LRRC41: variants seen among roughly 807,000 people sequenced by gnomAD.
The protein encoded by LRRC41 is leucine-rich repeat-containing protein 41.
LRRC41 carries 17 observed loss-of-function variants against 72.1 expected under a neutral mutation model. The ratio of observed to expected loss-of-function variants is 0.24; its 90% confidence interval spans 0.16 to 0.35. The LOEUF (loss-of-function observed/expected upper bound fraction) is 0.35. Among genes scored for constraint, LRRC41 ranks in the 10% least tolerant of loss-of-function variants. The probability of loss-of-function intolerance (pLI) is 1.00; values close to 1 mark genes in which losing one functional copy is unlikely to be tolerated. For synonymous variants in LRRC41, 427 were observed against 431.0 expected, an observed-to-expected ratio of 0.99 and a Z score of 0.11; for missense variants, 759 against 1,065.0, an observed-to-expected ratio of 0.71 and a Z score of 4.00.
rs1046707613 is a variant in LRRC41 at position 46,302,100 on chromosome 1, C to A, written c.199+1024G>T. On this transcript the variant is annotated intron_variant, in intron 1 of 9. Transcript: ENST00000617190. This position sits in a 1 kb window ranked among gnomAD's most constrained non-coding sequence, Gnocchi z 4.7. ...CAGCCCAACTGGCCGGTTCGCCCTC[C>A]CCGGCCGTTCATCCCGGCGCCCCAG... The A allele has an allele frequency of 8.1e-6, 8 of 985,252 alleles. No homozygotes were observed. In the African/African-American group the frequency reaches 1.4e-4, roughly 17 times the overall value. 61.0% of individuals were successfully genotyped at this position (985,252 alleles called of 1,614,324 possible).
chr1:46,302,037 G>C lies in LRRC41; in HGVS notation c.199+1087C>G. On this transcript the variant is annotated intron_variant, in intron 1 of 9. Transcript: ENST00000617190. The surrounding 1 kb of genome is among the most constrained non-coding windows in gnomAD (Gnocchi z 4.7). ...CCAAGTTTCCCTCGTCAGCGGCCAGGCCGCGGCCAGCGGTCCCCAACCCAC... is the reference window on the plus strand; with the variant it reads ...CCAAGTTTCCCTCGTCAGCGGCCAGCCCGCGGCCAGCGGTCCCCAACCCAC... The C allele has an allele frequency of 1.0e-6, 1 of 985,334 alleles. No individual in the cohort carries two copies. Among genetic ancestry groups the C allele is most frequent in the Non-Finnish European group, 1.2e-6 (1 of 829,872 alleles). The allele number at this position is 985,334 out of a possible 1,614,324, so 61.0% of individuals were successfully genotyped here. A position where few individuals can be genotyped will look rare whatever the true frequency, so the allele number is the denominator to read the frequency against.
rs1660658627 is a variant in LRRC41 at position 46,277,829 on chromosome 1, G to A, written c.*1036C>T. ...TCCTCTTCCCCAGGCAGGGACCATT[G>A]AGGAGAAGATCTTCCAGCGTCAGAG... is the stretch of plus-strand genomic sequence containing the variant. On this transcript the variant is annotated 3_prime_UTR_variant, in exon 10 of 10. Transcript: ENST00000617190. 1 of 1,609,164 alleles carries A rather than the reference G, an allele frequency of 6.2e-7. No individual in the cohort carries two copies. Among genetic ancestry groups the A allele is most frequent in the Non-Finnish European group, 8.5e-7 (1 of 1,175,878 alleles).
At chr1:46,296,181 G>A (rs1317641394) in intron 3 of LRRC41, among the ~76,000 whole-genome samples, 2 of 152,164 alleles carry the variant, frequency 1.3e-5, no homozygotes, top group Non-Finnish European at 1.5e-5. Flanking sequence ...TTTGGAGGCC[G>A]AGGTGGGTGG....
chr1:46,285,676 G>A lies in LRRC41; in HGVS notation c.1181C>T (p.Ala394Val), dbSNP rs1660869478. The change falls in exon 4 of 10, where the codon GCT (alanine) becomes GTT (valine). Residue 394 changes from alanine to valine, a missense_variant. Transcript: ENST00000617190. The surrounding 1 kb of genome is among the most constrained non-coding windows in gnomAD (Gnocchi z 5.3). Reference protein sequence around the residue: ...QPKPLKRFKRAAGKKGARTRQ... With the variant: ...QPKPLKRFKRVAGKKGARTRQ... ...GGTGCGAGCACCCTTCTTCCCTGCA[G>A]CTCGCTTGAAACGCTTTAGGGGCTT... The A allele has an allele frequency of 6.2e-7, 1 of 1,614,154 alleles. No individual in the cohort carries two copies. The highest frequency in any genetic ancestry group is 8.5e-7 in the Non-Finnish European group (1 of 1,180,016).
intron 3 of LRRC41, among the ~76,000 whole-genome samples, chr1:46,295,231 T>C (rs1168703913): frequency 6.6e-6 from 1 of 151,988 alleles, no homozygotes; most frequent in Non-Finnish European, 1.5e-5. Flanking sequence ...AGCCAGTTCT[T>C]TGTATTTTTA....
In LRRC41 at chr1:46,303,456, C is replaced by G; in HGVS notation, c.-134G>C. 6 of 912,768 alleles carry G rather than the reference C, an allele frequency of 6.6e-6. No homozygotes were observed. Among genetic ancestry groups the G allele is most frequent in the Non-Finnish European group, 8.0e-6 (5 of 626,668 alleles). 56.5% of individuals were successfully genotyped at this position (912,768 alleles called of 1,614,324 possible). A position where few individuals can be genotyped will look rare whatever the true frequency, so the allele number is the denominator to read the frequency against. ...TAAAGAAATTTCGAAGAAATTAGCA[C>G]ACTTTCCAAGTCTCTTAGGAGCTAC... On this transcript the variant is annotated 5_prime_UTR_variant, in exon 1 of 10. Coordinates refer to ENST00000617190, the MANE Select transcript of LRRC41 (RefSeq NM_006369.5).
chr1:46,293,329 CCT>C (rs766873336), intron 3 of LRRC41, among the ~76,000 whole-genome samples: 13 of 151,850 alleles, frequency 8.6e-5, no homozygotes, highest in Non-Finnish European at 1.8e-4. Flanking sequence ...AGCCTTGACC[CCT>C]GACGCTCAAT....
chr1:46,303,522 G>A lies in LRRC41; in HGVS notation c.-200C>T, dbSNP rs1418733459. The A allele has an allele frequency of 2.7e-6, 2 of 735,692 alleles. No individual in the cohort carries two copies. Among genetic ancestry groups the A allele is most frequent in the Non-Finnish European group, 2.2e-6 (1 of 460,180 alleles). The allele number at this position is 735,692 out of a possible 1,614,324, so 45.6% of individuals were successfully genotyped here. A position where few individuals can be genotyped will look rare whatever the true frequency, so the allele number is the denominator to read the frequency against. On this transcript the variant is annotated 5_prime_UTR_variant, in exon 1 of 10. Coordinates refer to ENST00000617190, the MANE Select transcript of LRRC41 (RefSeq NM_006369.5). ...CCTAGATCAATTATACTTGGGTGTGGTATGACTAAGGGGATGTTTCTTAGC... is the reference window on the plus strand; with the variant it reads ...CCTAGATCAATTATACTTGGGTGTGATATGACTAAGGGGATGTTTCTTAGC...
Position 46,302,147 on chromosome 1 carries a change from GCCCTTT to G in LRRC41, c.199+971_199+976del. ...CCAGGCCGCCCTCCATCCAGGCCCG[GCCCTTT>G]GGTCCCGGCCGCCTTCAGGCCTGGG... On this transcript the variant is annotated intron_variant, in intron 1 of 9. Coordinates refer to ENST00000617190, the MANE Select transcript of LRRC41 (RefSeq NM_006369.5). The surrounding 1 kb of genome is among the most constrained non-coding windows in gnomAD (Gnocchi z 4.7). 12 of 985,146 alleles carry G rather than the reference GCCCTTT, an allele frequency of 1.2e-5. No homozygotes were observed. The highest frequency in any genetic ancestry group is 1.4e-5 in the Non-Finnish European group (12 of 829,826). The allele number at this position is 985,146 out of a possible 1,614,324, so 61.0% of individuals were successfully genotyped here.
At chr1:46,297,496 T>C in intron 3 of LRRC41, 67 bp downstream of exon 3, 1 of 1,283,164 alleles carries the variant, frequency 7.8e-7, no homozygotes, top group East Asian at 2.3e-5. Context: ...CCAGCTTGTG[T>C]TTGTGTGCTA....
intron 3 of LRRC41, among the ~76,000 whole-genome samples, chr1:46,294,891 C>T (rs1002865781): frequency 8.5e-5 from 13 of 152,098 alleles, no homozygotes; most frequent in African/African-American, 2.9e-4. Flanking sequence ...CTGTGCCCGG[C>T]CACAATTTAT....
At chr1:46,288,586 C>G (rs1394376562) in intron 3 of LRRC41, among the ~76,000 whole-genome samples, 1 of 152,158 alleles carries the variant, frequency 6.6e-6, no homozygotes, top group Non-Finnish European at 1.5e-5. Flanking sequence ...TGATCCTTAC[C>G]CTGCCTCCAT....
Position 46,302,810 on chromosome 1 carries a change from T to TGG in LRRC41, c.199+313_199+314insCC, listed in dbSNP as rs1661271657. ...CTGCCCGGCCCAGCCGAGTGTCAGTTCGCGCGGCCCACAGCCGCAATCCAG... is the reference window on the plus strand; with the variant it reads ...CTGCCCGGCCCAGCCGAGTGTCAGTTGGCGCGCGGCCCACAGCCGCAATCCAG... On this transcript the variant is annotated intron_variant, in intron 1 of 9. Coordinates refer to ENST00000617190, the MANE Select transcript of LRRC41 (RefSeq NM_006369.5). This position sits in a 1 kb window ranked among gnomAD's most constrained non-coding sequence, Gnocchi z 4.7. The TGG allele has an allele frequency of 1.0e-6, 1 of 984,522 alleles. No homozygotes were observed. The highest frequency in any genetic ancestry group is 1.2e-6 in the Non-Finnish European group (1 of 829,734). 61.0% of individuals were successfully genotyped at this position (984,522 alleles called of 1,614,324 possible). A position where few individuals can be genotyped will look rare whatever the true frequency, so the allele number is the denominator to read the frequency against.
At chr1:46,291,323 T>C (rs2148321081) in intron 3 of LRRC41, among the ~76,000 whole-genome samples, 1 of 152,012 alleles carries the variant, frequency 6.6e-6, no homozygotes, top group East Asian at 1.9e-4. Context: ...TTCTAAGGAG[T>C]AGAACTTATA....
intron 3 of LRRC41, among the ~76,000 whole-genome samples, chr1:46,291,187 G>C (rs538022454): frequency 6.2e-4 from 95 of 152,076 alleles, no homozygotes; most frequent in Non-Finnish European, 1.2e-3. Flanking sequence ...GCCTCCCAAA[G>C]TGCTGGGATT....
rs751592321 is a variant in LRRC41, at chr1:46,285,537, C to T, written c.1320G>A (p.Leu440=). 18 of 1,613,140 alleles carry T rather than the reference C, an allele frequency of 1.1e-5. No individual in the cohort carries two copies. The African/African-American group carries it at 1.6e-4, about 14-fold the overall frequency. Residue 440 remains leucine, a synonymous_variant, in exon 4 of 10, where the codon TTG becomes TTA. Coordinates refer to ENST00000617190, the MANE Select transcript of LRRC41 (RefSeq NM_006369.5). This position sits in a 1 kb window ranked among gnomAD's most constrained non-coding sequence, Gnocchi z 5.3. ...CCAGGCAGCTGGGATCTGATCCATCCAAAGCTCCACAAGCCACTTCCCCAA... is the reference window on the plus strand; with the variant it reads ...CCAGGCAGCTGGGATCTGATCCATCTAAAGCTCCACAAGCCACTTCCCCAA... ...MEIGEVACGA[L]DGSDPSCLGL...
rs1013770374 is a variant in LRRC41, at chr1:46,302,586, C to T, written c.199+538G>A. On this transcript the variant is annotated intron_variant, in intron 1 of 9. Coordinates refer to ENST00000617190, the MANE Select transcript of LRRC41 (RefSeq NM_006369.5). The surrounding 1 kb of genome is among the most constrained non-coding windows in gnomAD (Gnocchi z 4.7). ...CCTCGCTCTCCAATCTGCTGTCCTC[C>T]CCTCCGCCCATCGGCTTGGCCTCCG... 2.0e-4 allele frequency: 198 copies of T among 985,156 alleles called. No homozygotes were observed. Among genetic ancestry groups the T allele is most frequent in the Non-Finnish European group, 2.2e-4 (180 of 829,908 alleles). 61.0% of individuals were successfully genotyped at this position (985,156 alleles called of 1,614,324 possible). A position where few individuals can be genotyped will look rare whatever the true frequency, so the allele number is the denominator to read the frequency against.
At chr1:46,293,830 C>T (rs1160232492) in intron 3 of LRRC41, among the ~76,000 whole-genome samples, 1 of 152,058 alleles carries the variant, frequency 6.6e-6, no homozygotes, top group Non-Finnish European at 1.5e-5. Flanking sequence ...GTGGTGCCAT[C>T]TCGGCTCATT....
chr1:46,285,977 C>T lies in LRRC41; in HGVS notation c.880G>A (p.Ala294Thr). The T allele has an allele frequency of 4.5e-6, 7 of 1,543,450 alleles. No individual in the cohort carries two copies. Among genetic ancestry groups the T allele is most frequent in the Non-Finnish European group, 6.1e-6 (7 of 1,145,026 alleles). Residue 294 changes from alanine (A) to threonine (T), a missense_variant, in exon 4 of 10, where the codon GCT becomes ACT. Coordinates refer to ENST00000617190, the MANE Select transcript of LRRC41 (RefSeq NM_006369.5). The surrounding 1 kb of genome is among the most constrained non-coding windows in gnomAD (Gnocchi z 5.3). ...LGSRRPRRDA[A>T]ERCAAALMAS... ...ATCAGGGCTGCAGCACATCGCTCAG[C>T]AGCATCCCGGCGGGGCCGACGTGAG...
Sources: gnomAD v4.1 joint callset for allele counts (sites outside exome capture counted in the v4.1 genomes callset) on GRCh38, gnomAD v4.1.1 for gene constraint, Gnocchi (gnomAD v3.1) non-coding constraint, MANE v1.5 for transcripts, NCBI Gene and HGNC (gene_info 2026-07-23, HGNC 2026-07-21) for gene names.